The following IL18R1 variants were observed in gnomAD, a reference collection of about 807,000 sequenced individuals.
The protein encoded by IL18R1 is interleukin-18 receptor 1.
Under a neutral mutation model 48.5 loss-of-function variants are expected in IL18R1, and 40 were observed. That is an observed-to-expected ratio of 0.82 (90% CI 0.64 to 1.07). The LOEUF (loss-of-function observed/expected upper bound fraction) is 1.07. Among genes scored for constraint, IL18R1 ranks in the 50% least tolerant of loss-of-function variants. The pLI is 0.00. For missense variants in IL18R1, 596 were observed against 633.7 expected (o/e 0.94, Z 0.64); for synonymous variants, 232 against 225.9 (o/e 1.03, Z -0.24).
intron 9 of IL18R1, among the ~76,000 whole-genome samples, chr2:102,392,517 C>A (rs746687288): frequency 6.6e-6 from 1 of 152,152 alleles, no homozygotes; most frequent in East Asian, 1.9e-4. Context: ...CTCTAAATCA[C>A]TTCCATTAAA....
Position 102,371,938 on chromosome 2 carries a change from A to G in IL18R1, c.303-15A>G. ...CTGTAGCATTATAAAATACCTTTAC[A>G]CTTTTATTCCATAGAAATTATACTC... On this transcript the variant is annotated splice_polypyrimidine_tract_variant and intron_variant, in intron 3 of 10. Coordinates refer to ENST00000233957, the MANE Select transcript of IL18R1 (RefSeq NM_003855.5). 4 of 1,422,368 alleles carry G rather than the reference A, an allele frequency of 2.8e-6. No individual in the cohort carries two copies. Among genetic ancestry groups the G allele is most frequent in the Non-Finnish European group, 3.8e-6 (4 of 1,039,290 alleles). The allele number at this position is 1,422,368 out of a possible 1,614,324, so 88.1% of individuals were successfully genotyped here.
At chr2:102,369,580 A>C (rs1240936045) in intron 3 of IL18R1, among the ~76,000 whole-genome samples, 1 of 152,240 alleles carries the variant, frequency 6.6e-6, no homozygotes, top group Non-Finnish European at 1.5e-5. Flanking sequence ...ACATGGAAGC[A>C]GGTTGTTTTA....
At chr2:102,367,778 A>G (rs889185102) in intron 2 of IL18R1, 47 bp from the exon 3 acceptor site, 11 of 1,548,506 alleles carry the variant, frequency 7.1e-6, no homozygotes, top group Non-Finnish European at 7.0e-6. Flanking sequence ...TTACCTTGTC[A>G]TTTTGGTTTT....
intron 6 of IL18R1, among the ~76,000 whole-genome samples, chr2:102,382,837 T>G (rs753280032): frequency 3.3e-5 from 5 of 152,170 alleles, no homozygotes; most frequent in African/African-American, 4.8e-5. Flanking sequence ...TTTGTCTTTC[T>G]TATTTTTTTC....
chr2:102,375,603 C>T (rs777039620), intron 4 of IL18R1, among the ~76,000 whole-genome samples: 3 of 152,166 alleles, frequency 2.0e-5, no homozygotes, highest in Non-Finnish European at 4.4e-5. Context: ...CTGTTTCTCT[C>T]TCTCTGCATG....
At chr2:102,376,480 C>T (rs906714159) in intron 5 of IL18R1, among the ~76,000 whole-genome samples, 4 of 152,184 alleles carry the variant, frequency 2.6e-5, no homozygotes, top group African/African-American at 9.7e-5. Flanking sequence ...GGATTTGATT[C>T]TAATCAGGAG....
chr2:102,356,598 C>G (rs1377659194), intron 1 of IL18R1, among the ~76,000 whole-genome samples, 198 bp downstream of exon 1: 2 of 152,172 alleles, frequency 1.3e-5, no homozygotes, highest in East Asian at 3.8e-4. Context: ...ATTAAGACAT[C>G]CCCAATTATT....
intron 1 of IL18R1, 82 bp from the exon 2 acceptor site, chr2:102,362,527 GTTGTTTTTTTAAAAATCTGTGTGC>G: frequency 1.6e-6 from 1 of 623,412 alleles, no homozygotes; most frequent in Non-Finnish European, 2.7e-6. Flanking sequence ...AATCTTCTAG[GTTGTTTTTTTAAAAATCTGTGTGC>G]CAGAAGATTT....
In IL18R1 at chr2:102,367,917, A is replaced by G. The variant is rs779351136; in HGVS notation, c.151A>G (p.Thr51Ala). The G allele has an allele frequency of 6.2e-7, 1 of 1,614,226 alleles. No individual in the cohort carries two copies. Among genetic ancestry groups the G allele is most frequent in the Admixed American group, 1.7e-5 (1 of 60,032 alleles). Residue 51 changes from threonine (T) to alanine (A), a missense_variant, in exon 3 of 11, where the codon ACA (threonine) becomes GCA (alanine). Coordinates refer to ENST00000233957, the MANE Select transcript of IL18R1 (RefSeq NM_003855.5). The stretch of plus-strand genomic sequence containing the variant: ...GTGTTCACTTGCACATGAGATTGAA[A>G]CAACCACCAAAAGCTGGTACAAAAG... ...CSCSLAHEIE[T>A]TTKSWYKSSG...
At chr2:102,396,216 GCTTC>G (rs1257963499) in intron 10 of IL18R1, among the ~76,000 whole-genome samples, 1 of 152,030 alleles carries the variant, frequency 6.6e-6, no homozygotes, top group Non-Finnish European at 1.5e-5. Flanking sequence ...CTGTGCTCCG[GCTTC>G]CTTGTTTGTT....
chr2:102,364,633 T>C (rs139404645), intron 2 of IL18R1, among the ~76,000 whole-genome samples: 283 of 152,318 alleles, frequency 1.9e-3, no homozygotes, highest in Non-Finnish European at 3.2e-3. Context: ...TTAACTCTTG[T>C]GTTTTGTGGT....
At chr2:102,364,547 A>G (rs1395082389) in intron 2 of IL18R1, among the ~76,000 whole-genome samples, 3 of 152,254 alleles carry the variant, frequency 2.0e-5, no homozygotes, top group African/African-American at 4.8e-5. Context: ...ATACACATGT[A>G]TCACACCTTC....
intron 1 of IL18R1, among the ~76,000 whole-genome samples, chr2:102,361,617 A>G (rs1678579638): frequency 6.6e-6 from 1 of 152,226 alleles, no homozygotes; most frequent in Admixed American, 6.5e-5. Context: ...GGTAATGACC[A>G]AATAGGCTCT....
intron 8 of IL18R1, among the ~76,000 whole-genome samples, chr2:102,388,852 T>C (rs1459530193): frequency 2.6e-5 from 4 of 152,150 alleles, no homozygotes; most frequent in African/African-American, 7.2e-5. Context: ...AGTAGAAAGA[T>C]ATGGAAAGAT....
At chr2:102,391,932 A>G (rs909701505) in intron 9 of IL18R1, among the ~76,000 whole-genome samples, 5 of 152,112 alleles carry the variant, frequency 3.3e-5, no homozygotes, top group African/African-American at 4.8e-5. Flanking sequence ...TATTTCTAGG[A>G]GCTATTTATA....
intron 6 of IL18R1, among the ~76,000 whole-genome samples, chr2:102,382,032 G>T (rs1291797624): frequency 6.6e-6 from 1 of 152,098 alleles, no homozygotes; most frequent in African/African-American, 2.4e-5. Flanking sequence ...CAGCACTTTG[G>T]GAGGCCGAGG....
Position 102,371,985 on chromosome 2 carries a change from T to A in IL18R1, c.335T>A (p.Ile112Asn). Reference sequence around the variant, plus strand: ...ACTCAGAAATGGAAATTAAATGTCATCAGAAGAAATAAACACAGCTGTTTC... The same window carrying A: ...ACTCAGAAATGGAAATTAAATGTCAACAGAAGAAATAAACACAGCTGTTTC... ...NYTQKWKLNV[I>N]RRNKHSCFTE... Residue 112 changes from isoleucine (I) to asparagine (N), a missense_variant, in exon 4 of 11, where the codon ATC (isoleucine) becomes AAC (asparagine). Transcript: ENST00000233957. 1 of 1,569,166 alleles carries A rather than the reference T, an allele frequency of 6.4e-7. No individual in the cohort carries two copies. Among genetic ancestry groups the A allele is most frequent in the East Asian group, 2.2e-5 (1 of 44,528 alleles).
chr2:102,387,468 G>T (rs1456994561), intron 8 of IL18R1, among the ~76,000 whole-genome samples: 1 of 152,196 alleles, frequency 6.6e-6, no homozygotes, highest in African/African-American at 2.4e-5. Context: ...CCTGAACTTG[G>T]CAAGCAGGCC....
At chr2:102,373,856 T>C in intron 4 of IL18R1, 1 of 321,692 alleles carries the variant, frequency 3.1e-6, no homozygotes, top group African/African-American at 2.1e-5. Context: ...TTGTGAACTG[T>C]GCATGCGAGG....
Sources: gnomAD v4.1 joint callset for allele counts (sites outside exome capture counted in the v4.1 genomes callset) on GRCh38, gnomAD v4.1.1 for gene constraint, MANE v1.5 for transcripts, NCBI Gene and HGNC (gene_info 2026-07-23, HGNC 2026-07-21) for gene names.